Variants in FAT3 observed in about 807,000 individuals in gnomAD.
FAT3 encodes protocadherin Fat 3.
Under a neutral mutation model 310.2 loss-of-function variants are expected in FAT3, and 95 were observed. The ratio of observed to expected loss-of-function variants is 0.31; its 90% confidence interval spans 0.26 to 0.36. The LOEUF is 0.36. FAT3 is among the 10% of genes least tolerant of loss of function. FAT3 has a pLI of 1.00. For missense variants in FAT3, 5,408 were observed against 5,715.6 expected, an observed-to-expected ratio of 0.95 and a Z score of 1.74; for synonymous variants, 2,314 against 2,192.9, an observed-to-expected ratio of 1.06 and a Z score of -1.54.
intron 2 of FAT3, among the ~76,000 whole-genome samples, chr11:92,383,112 G>A (rs1949538238): frequency 6.6e-6 from 1 of 152,160 alleles, no homozygotes. Context: ...TCCTGCATTA[G>A]TTTGCTAAGG....
At chr11:92,297,795 A>G (rs1181360356) in intron 1 of FAT3, among the ~76,000 whole-genome samples, 1 of 152,174 alleles carries the variant, frequency 6.6e-6, no homozygotes, top group Non-Finnish European at 1.5e-5. Flanking sequence ...ATTCTGCTTC[A>G]GTGGACTCTG....
chr11:92,420,201 T>A (rs779083467), intron 2 of FAT3, among the ~76,000 whole-genome samples: 2 of 152,210 alleles, frequency 1.3e-5, no homozygotes, highest in Non-Finnish European at 2.9e-5. Flanking sequence ...ATTTGACTCT[T>A]TACAGAAAAA....
intron 3 of FAT3, among the ~76,000 whole-genome samples, chr11:92,614,035 A>G (rs188605092): frequency 6.6e-6 from 1 of 152,210 alleles, no homozygotes; most frequent in African/African-American, 2.4e-5. Context: ...TTTACTTAGC[A>G]TGTTTTCAAG....
intron 3 of FAT3, among the ~76,000 whole-genome samples, chr11:92,656,974 A>G: frequency 6.9e-6 from 1 of 144,454 alleles, no homozygotes; most frequent in Non-Finnish European, 1.5e-5. Flanking sequence ...GAGGGGGTGC[A>G]GGGGTAAGGT....
chr11:92,361,360 A>G (rs1433660577), intron 2 of FAT3, among the ~76,000 whole-genome samples: 1 of 151,914 alleles, frequency 6.6e-6, no homozygotes, highest in Non-Finnish European at 1.5e-5. Flanking sequence ...ATGTTTGTGC[A>G]CCCCTCCCCC....
intron 6 of FAT3, among the ~76,000 whole-genome samples, chr11:92,767,895 G>A (rs550788839): frequency 8.4e-4 from 128 of 152,210 alleles, no homozygotes; most frequent in Non-Finnish European, 1.7e-3. Context: ...CCCTACTGAT[G>A]CCTCCTGGAA....
intron 2 of FAT3, among the ~76,000 whole-genome samples, chr11:92,428,451 T>C (rs1371132814): frequency 6.6e-6 from 1 of 152,170 alleles, no homozygotes; most frequent in Non-Finnish European, 1.5e-5. Flanking sequence ...CTTGCTTCTC[T>C]AGTTCTTTCA....
chr11:92,415,849 CTTTTTTTTTTT>C (rs1196695394), intron 2 of FAT3, among the ~76,000 whole-genome samples: 3 of 70,440 alleles, frequency 4.3e-5, no homozygotes, highest in Admixed American at 1.7e-4. Context: ...AGCATTTTTG[CTTTTTTTTTTT>C]TTTTTTTTTT....
In FAT3 at chr11:92,809,924, G is replaced by A; in HGVS notation, c.9329G>A (p.Gly3110Asp). ...SLMAKATDGG[G>D]RFCQSNIHLI... ...ATGGCCAAGGCCACTGACGGGGGTGGCAGGTTCTGCCAGTCCAACATCCAC... is the reference window on the plus strand; with the variant it reads ...ATGGCCAAGGCCACTGACGGGGGTGACAGGTTCTGCCAGTCCAACATCCAC... The change falls in exon 13 of 28, where the codon GGC becomes GAC. Residue 3110 changes from glycine to aspartate, a missense_variant. By Grantham distance (94) the Gly-to-Asp change is moderately conservative (BLOSUM62 -1). Transcript: ENST00000525166. 3.7e-6 allele frequency: 6 copies of A among 1,613,996 alleles called. No homozygotes were observed. The highest frequency in any genetic ancestry group is 1.1e-5 in the South Asian group (1 of 91,086).
At chr11:92,438,675 G>A (rs1040952026) in intron 2 of FAT3, among the ~76,000 whole-genome samples, 67 of 152,186 alleles carry the variant, frequency 4.4e-4, no homozygotes, top group African/African-American at 1.6e-3. Context: ...TATTATTGCT[G>A]TGATGTGGGA....
At chr11:92,512,198 A>G (rs1164271495) in intron 2 of FAT3, among the ~76,000 whole-genome samples, 1 of 152,174 alleles carries the variant, frequency 6.6e-6, no homozygotes. Context: ...CATATAAAGT[A>G]TATAAAAATA....
chr11:92,532,832 G>T (rs1167406353), intron 3 of FAT3, among the ~76,000 whole-genome samples: 1 of 152,058 alleles, frequency 6.6e-6, no homozygotes, highest in Non-Finnish European at 1.5e-5. Context: ...TTCATCATTG[G>T]AATGAAACAA....
At chr11:92,391,816 G>T (rs1429567128) in intron 2 of FAT3, among the ~76,000 whole-genome samples, 1 of 152,062 alleles carries the variant, frequency 6.6e-6, no homozygotes, top group East Asian at 1.9e-4. Context: ...CCTCATAGTT[G>T]TACGTGTCCT....
At chr11:92,657,840 A>C (rs1273425974) in intron 3 of FAT3, among the ~76,000 whole-genome samples, 1 of 152,190 alleles carries the variant, frequency 6.6e-6, no homozygotes, top group Admixed American at 6.5e-5. Flanking sequence ...ATCCATTACA[A>C]AGGATAGGAT....
chr11:92,682,074 A>C (rs914230511), intron 3 of FAT3, among the ~76,000 whole-genome samples: 2 of 152,336 alleles, frequency 1.3e-5, no homozygotes, highest in Middle Eastern at 6.8e-3. Flanking sequence ...TGTGGTTAAG[A>C]ATAAGGATTC....
intron 20 of FAT3, among the ~76,000 whole-genome samples, chr11:92,858,880 A>G (rs984757146): frequency 6.6e-6 from 1 of 152,222 alleles, no homozygotes; most frequent in African/African-American, 2.4e-5. Flanking sequence ...ATTTAGTAAC[A>G]TTAAGAAAAT....
At chr11:92,540,148 G>A (rs60737968) in intron 3 of FAT3, among the ~76,000 whole-genome samples, 2,270 of 152,254 alleles carry the variant, frequency 0.015, 65 homozygotes, top group African/African-American at 0.051. Context: ...ATACACTTCT[G>A]TTCTCAGGAC....
intron 14 of FAT3, 30 bp from the exon 15 acceptor site, chr11:92,834,840 A>G (rs1407373358): frequency 1.2e-5 from 18 of 1,532,810 alleles, no homozygotes; most frequent in Non-Finnish European, 1.5e-5. Context: ...TTTCCTAATG[A>G]AATATAAAGC....
intron 4 of FAT3, among the ~76,000 whole-genome samples, chr11:92,733,733 C>CA (rs145964285): frequency 6.6e-6 from 1 of 151,614 alleles, no homozygotes; most frequent in East Asian, 1.9e-4. Context: ...GCAAGGGGGG[C>CA]AAAAAAGTGA....
Sources: allele counts gnomAD v4.1 joint callset (sites outside exome capture counted in the v4.1 genomes callset), GRCh38; gene constraint gnomAD v4.1.1; transcripts MANE v1.5; gene names NCBI Gene and HGNC (gene_info 2026-07-23, HGNC 2026-07-21).